The following SLC1A2 variants were observed in gnomAD, a reference collection of about 807,000 sequenced individuals.
SLC1A2 encodes the protein solute carrier family 1 member 2, also known as excitatory amino acid transporter 2.
A neutral mutation model predicts 48.8 loss-of-function variants in SLC1A2; 15 were observed. That is an observed-to-expected ratio of 0.31 (90% CI 0.21 to 0.47). SLC1A2 has a LOEUF of 0.47. Among genes scored for constraint, SLC1A2 ranks in the 20% least tolerant of loss-of-function variants. The pLI is 0.99. For synonymous variants in SLC1A2, 279 were observed against 272.6 expected (o/e 1.02, Z -0.23); for missense variants, 502 against 730.5 (o/e 0.69, Z 3.61).
At chr11:35,395,416 C>T (rs1035593207) in intron 1 of SLC1A2, among the ~76,000 whole-genome samples, 6 of 152,072 alleles carry the variant, frequency 3.9e-5, no homozygotes, top group Admixed American at 3.3e-4. Flanking sequence ...TCCCACATCA[C>T]CCCTCCACTA....
intron 6 of SLC1A2, among the ~76,000 whole-genome samples, chr11:35,294,720 G>C (rs919507670): frequency 2.0e-5 from 3 of 152,108 alleles, no homozygotes; most frequent in African/African-American, 7.2e-5. Flanking sequence ...AAGGCTCTTT[G>C]CCAAAAAAAG....
At chr11:35,297,166 C>A (rs1234180174) in intron 6 of SLC1A2, among the ~76,000 whole-genome samples, 1 of 152,144 alleles carries the variant, frequency 6.6e-6, no homozygotes, top group Non-Finnish European at 1.5e-5. Flanking sequence ...GCAAAAAACT[C>A]ATCTAAGTCA....
chr11:35,304,225 T>C (rs1851435913), intron 5 of SLC1A2, among the ~76,000 whole-genome samples: 1 of 152,074 alleles, frequency 6.6e-6, no homozygotes, highest in Non-Finnish European at 1.5e-5. Context: ...CTTCCCAGAA[T>C]CCACCAAGAC....
intron 6 of SLC1A2, among the ~76,000 whole-genome samples, 156 bp from the exon 7 acceptor site, chr11:35,292,676 C>G (rs1851048695): frequency 6.6e-6 from 1 of 152,140 alleles, no homozygotes; most frequent in African/African-American, 2.4e-5. Context: ...TACTTTGGAC[C>G]ACTTCCCTTA....
At chr11:35,308,768 A>T (rs3888947) in intron 4 of SLC1A2, among the ~76,000 whole-genome samples, 14,559 of 152,268 alleles carry the variant, frequency 0.096, 862 homozygotes, top group East Asian at 0.19. Flanking sequence ...AAAGCATAGC[A>T]GGTGCTAATT....
At chr11:35,395,691 T>G (rs1020514498) in intron 1 of SLC1A2, among the ~76,000 whole-genome samples, 8 of 151,322 alleles carry the variant, frequency 5.3e-5, no homozygotes, top group Non-Finnish European at 1.2e-4. Flanking sequence ...TTTTTTTAAT[T>G]ATACTTTAAG....
rs1240547954 is a variant in SLC1A2, at chr11:35,251,515, A to G, written c.*9379T>C. 1 of 152,478 alleles carries G rather than the reference A, an allele frequency of 6.6e-6. No homozygotes were observed. The highest frequency in any genetic ancestry group is 6.5e-5 in the Admixed American group (1 of 15,280). 9.4% of individuals were successfully genotyped at this position (152,478 alleles called of 1,614,324 possible). ...TTAGTCTTTAAACACTATGTGCTAT[A>G]GATGCTCTGTGCTACGTGACTTCAG... On this transcript the variant is annotated 3_prime_UTR_variant, in exon 11 of 11. Transcript: ENST00000278379.
chr11:35,357,587 C>A (rs904166992), intron 1 of SLC1A2, among the ~76,000 whole-genome samples: 5 of 152,114 alleles, frequency 3.3e-5, no homozygotes, highest in Admixed American at 3.3e-4. Context: ...AAACTGGAAA[C>A]AATCAAGTCC....
intron 1 of SLC1A2, among the ~76,000 whole-genome samples, chr11:35,319,114 A>C (rs994825853): frequency 1.3e-5 from 2 of 152,164 alleles, no homozygotes; most frequent in South Asian, 2.1e-4. Flanking sequence ...TGCAATAACA[A>C]TCCCTCAGAC....
rs1167049293 is a variant in SLC1A2 at position 35,257,571 on chromosome 11, G to A, written c.*3323C>T. 1 of 152,148 alleles carries A rather than the reference G, an allele frequency of 6.6e-6. No homozygotes were observed. The highest frequency in any genetic ancestry group is 1.5e-5 in the Non-Finnish European group (1 of 68,030). 9.4% of individuals were successfully genotyped at this position (152,148 alleles called of 1,614,324 possible). A position where few individuals can be genotyped will look rare whatever the true frequency, so the allele number is the denominator to read the frequency against. On this transcript the variant is annotated 3_prime_UTR_variant, in exon 11 of 11. Coordinates refer to ENST00000278379, the MANE Select transcript of SLC1A2 (RefSeq NM_004171.4). ...TGATTTTCTGATGCTCTTTGTATGG[G>A]AAGCATGCCCTCAAAGATCTAAGGT...
intron 1 of SLC1A2, among the ~76,000 whole-genome samples, chr11:35,376,007 T>C (rs1293303219): frequency 6.6e-6 from 1 of 152,170 alleles, no homozygotes; most frequent in East Asian, 1.9e-4. Flanking sequence ...TCCATACTCC[T>C]AACCTCCAGT....
chr11:35,306,273 C>G, intron 4 of SLC1A2, 31 bp from the exon 5 acceptor site: 1 of 1,581,392 alleles, frequency 6.3e-7, no homozygotes, highest in African/African-American at 1.4e-5. Context: ...AGGCATAGAG[C>G]TGAGATTTGG....
intron 9 of SLC1A2, among the ~76,000 whole-genome samples, chr11:35,269,952 C>T (rs1850233000): frequency 6.6e-6 from 1 of 151,850 alleles, no homozygotes; most frequent in South Asian, 2.1e-4. Context: ...ACTAAAAATA[C>T]AAAAATTAGC....
intron 1 of SLC1A2, among the ~76,000 whole-genome samples, chr11:35,365,509 C>T (rs1853811313): frequency 6.6e-6 from 1 of 152,132 alleles, no homozygotes; most frequent in Non-Finnish European, 1.5e-5. Flanking sequence ...CAAAGTAACA[C>T]ATGCCATTTT....
chr11:35,321,163 C>T (rs1852052001), intron 1 of SLC1A2, among the ~76,000 whole-genome samples: 1 of 152,156 alleles, frequency 6.6e-6, no homozygotes, highest in Admixed American at 6.5e-5. Flanking sequence ...TGTGATAACT[C>T]ACTCACTATC....
intron 2 of SLC1A2, 152 bp downstream of exon 2, chr11:35,317,225 T>G: frequency 5.8e-6 from 4 of 690,174 alleles, no homozygotes; most frequent in South Asian, 2.2e-5. Context: ...AGGAGGAAAA[T>G]TATATCACTG....
Position 35,379,108 on chromosome 11 carries a change from A to G in SLC1A2, c.17+39842T>C, listed in dbSNP as rs1440900281. Among the ~76,000 whole-genome samples, 4 of 152,150 alleles carry G rather than the reference A, an allele frequency of 2.6e-5. No homozygotes were observed. In the East Asian group the frequency reaches 7.7e-4, roughly 29 times the overall value. Reference sequence around the variant, plus strand: ...CCAGGCGTGGTGGTGACATGACTGTAATCCCAGCTACTCAGGAGGCTAAGG... The same window carrying G: ...CCAGGCGTGGTGGTGACATGACTGTGATCCCAGCTACTCAGGAGGCTAAGG... On this transcript the variant is annotated intron_variant, in intron 1 of 10. Coordinates refer to ENST00000278379, the MANE Select transcript of SLC1A2 (RefSeq NM_004171.4).
Position 35,379,368 on chromosome 11 carries a change from C to A in SLC1A2, c.17+39582G>T, listed in dbSNP as rs559103011. 2.6e-5 allele frequency among the ~76,000 whole-genome samples: 4 copies of A among 152,350 alleles called. No homozygotes were observed. In the South Asian group the frequency reaches 8.3e-4, roughly 32 times the overall value. On this transcript the variant is annotated intron_variant, in intron 1 of 10. Transcript: ENST00000278379. ...ACTGCCCTGATTCACAAAACTATTGCAAATCCTTTGCCACATTTAGACAAT... is the reference window on the plus strand; with the variant it reads ...ACTGCCCTGATTCACAAAACTATTGAAAATCCTTTGCCACATTTAGACAAT...
At chr11:35,320,609 G>A (rs1400490446) in intron 1 of SLC1A2, among the ~76,000 whole-genome samples, 2 of 152,206 alleles carry the variant, frequency 1.3e-5, no homozygotes, top group East Asian at 3.8e-4. Context: ...ACCTAGTCCT[G>A]AGTGCTTAAT....
Sources: allele counts gnomAD v4.1 joint callset (sites outside exome capture counted in the v4.1 genomes callset), GRCh38; gene constraint gnomAD v4.1.1; transcripts MANE v1.5; gene names NCBI Gene and HGNC (gene_info 2026-07-23, HGNC 2026-07-21).